Variants in SORCS1 observed in about 807,000 individuals in gnomAD.
SORCS1 encodes sortilin related VPS10 domain containing receptor 1.
Under a neutral mutation model 146.1 loss-of-function variants are expected in SORCS1, and 60 were observed. That is an observed-to-expected ratio of 0.41 (90% confidence interval 0.33 to 0.51). SORCS1 has a LOEUF of 0.51. Ranked by LOEUF, SORCS1 falls within the 20% of genes least tolerant of loss-of-function variation. SORCS1 has a pLI of 0.21. For synonymous variants in SORCS1, 637 were observed against 584.0 expected (o/e 1.09, Z -1.31); for missense variants, 1,352 against 1,487.6 (o/e 0.91, Z 1.50).
At chr10:106,613,135 G>A (rs998240404) in intron 21 of SORCS1, among the ~76,000 whole-genome samples, 14 of 151,826 alleles carry the variant, frequency 9.2e-5, no homozygotes, top group South Asian at 2.1e-4. Flanking sequence ...TATTGCTATC[G>A]TTTGTTTGCA....
At chr10:106,688,169 T>C (rs1853009021) in intron 10 of SORCS1, 23 bp downstream of exon 10, 1 of 1,609,650 alleles carries the variant, frequency 6.2e-7, no homozygotes, top group Non-Finnish European at 8.5e-7. Flanking sequence ...TGTGAGGCAT[T>C]CTGCTTCAAT....
At chr10:106,836,163 C>T (rs1020569653) in intron 2 of SORCS1, among the ~76,000 whole-genome samples, 8 of 151,910 alleles carry the variant, frequency 5.3e-5, no homozygotes, top group Admixed American at 2.0e-4. Context: ...GTGTAACTAG[C>T]CTGCTTAAGA....
chr10:106,955,268 C>T (rs559704243), intron 2 of SORCS1, among the ~76,000 whole-genome samples: 1 of 152,360 alleles, frequency 6.6e-6, no homozygotes, highest in East Asian at 1.9e-4. Context: ...AAGGCGCCAC[C>T]GCATTCCCCT....
chr10:106,956,408 G>A, intron 2 of SORCS1, 105 bp downstream of exon 2: 1 of 946,074 alleles, frequency 1.1e-6, no homozygotes. Flanking sequence ...AGCAAGCAGT[G>A]CATATCACCA....
chr10:106,648,427 A>C (rs1278351693), intron 18 of SORCS1, among the ~76,000 whole-genome samples: 4 of 152,138 alleles, frequency 2.6e-5, no homozygotes, highest in Non-Finnish European at 5.9e-5. Context: ...ACTCCACTTA[A>C]TTCGCTCCAC....
chr10:106,640,996 T>C (rs562202869), intron 18 of SORCS1, among the ~76,000 whole-genome samples: 2 of 152,040 alleles, frequency 1.3e-5, no homozygotes, highest in East Asian at 1.9e-4. Flanking sequence ...TGCGCGTGCA[T>C]GTGTGTTCTT....
rs183365741 is a variant in SORCS1 at position 106,869,047 on chromosome 10, A to C, written c.627-39374T>G. On this transcript the variant is annotated intron_variant, in intron 2 of 25. Transcript: ENST00000263054. ...CCACAGAAATAAAAATAACCATCAGAAACTACTATGAACACCTCTATGTAT... is the reference window on the plus strand; with the variant it reads ...CCACAGAAATAAAAATAACCATCAGCAACTACTATGAACACCTCTATGTAT... Among the ~76,000 whole-genome samples, 14 of 152,336 alleles carry C rather than the reference A, an allele frequency of 9.2e-5. 1 individual carries two copies. Among genetic ancestry groups the C allele is most frequent in the African/African-American group, 3.1e-4 (13 of 41,580 alleles).
At chr10:106,778,603 T>C (rs1860645446) in intron 3 of SORCS1, among the ~76,000 whole-genome samples, 1 of 152,232 alleles carries the variant, frequency 6.6e-6, no homozygotes, top group Admixed American at 6.5e-5. Flanking sequence ...ATAAAACCTG[T>C]CATTTTTTGA....
chr10:106,834,222 T>C (rs1158901232), intron 2 of SORCS1, among the ~76,000 whole-genome samples: 4 of 152,212 alleles, frequency 2.6e-5, no homozygotes, highest in Non-Finnish European at 5.9e-5. Context: ...CAGAGGATGC[T>C]TTTTGCCCAA....
chr10:106,734,115 C>T (rs964132799), intron 5 of SORCS1, among the ~76,000 whole-genome samples: 1 of 152,050 alleles, frequency 6.6e-6, no homozygotes, highest in African/African-American at 2.4e-5. Context: ...AAAATTTTGT[C>T]TAGGATATTT....
chr10:107,109,154 C>T (rs1965507418), intron 1 of SORCS1, among the ~76,000 whole-genome samples: 1 of 152,198 alleles, frequency 6.6e-6, no homozygotes, highest in African/African-American at 2.4e-5. Context: ...ATCAACCATT[C>T]TGGGGTCTGA....
At chr10:106,839,165 A>G (rs542327730) in intron 2 of SORCS1, among the ~76,000 whole-genome samples, 1 of 152,270 alleles carries the variant, frequency 6.6e-6, no homozygotes, top group Admixed American at 6.5e-5. Context: ...GCTACAAATG[A>G]TTAAACTTGG....
chr10:106,857,961 T>C (rs970087323), intron 2 of SORCS1, among the ~76,000 whole-genome samples: 2 of 152,218 alleles, frequency 1.3e-5, no homozygotes, highest in African/African-American at 4.8e-5. Context: ...CCTGTCAGCC[T>C]AAACATATAA....
At chr10:107,068,037 C>T (rs1197629085) in intron 1 of SORCS1, among the ~76,000 whole-genome samples, 1 of 152,048 alleles carries the variant, frequency 6.6e-6, no homozygotes, top group African/African-American at 2.4e-5. Context: ...TTTTGTTAGC[C>T]CTCTTAAGAC....
At chr10:107,078,815 T>C (rs1963097239) in intron 1 of SORCS1, among the ~76,000 whole-genome samples, 1 of 152,238 alleles carries the variant, frequency 6.6e-6, no homozygotes, top group Non-Finnish European at 1.5e-5. Context: ...GTTGTATTTG[T>C]GTAAAGTACT....
chr10:107,089,930 G>A (rs1964060169), intron 1 of SORCS1, among the ~76,000 whole-genome samples: 1 of 152,190 alleles, frequency 6.6e-6, no homozygotes, highest in Admixed American at 6.5e-5. Context: ...AGGGCTCTCA[G>A]ATGGCTGCGG....
At chr10:107,114,699 C>A (rs905039221) in intron 1 of SORCS1, among the ~76,000 whole-genome samples, 4 of 152,128 alleles carry the variant, frequency 2.6e-5, no homozygotes, top group African/African-American at 9.6e-5. Context: ...AGGAATAAGA[C>A]AAGCATACAC....
At chr10:106,948,991 T>C (rs528432346) in intron 2 of SORCS1, among the ~76,000 whole-genome samples, 1 of 151,672 alleles carries the variant, frequency 6.6e-6, no homozygotes, top group African/African-American at 2.4e-5. Flanking sequence ...ATTGTGTAAG[T>C]TCAGGAACCA....
At chr10:106,945,406 T>G (rs530575713) in intron 2 of SORCS1, among the ~76,000 whole-genome samples, 44 of 152,322 alleles carry the variant, frequency 2.9e-4, no homozygotes, top group African/African-American at 9.9e-4. Flanking sequence ...ATTGTTTGAT[T>G]GCTTATTAAG....
Sources: allele counts gnomAD v4.1 joint callset (sites outside exome capture counted in the v4.1 genomes callset), GRCh38; gene constraint gnomAD v4.1.1; transcripts MANE v1.5; gene names NCBI Gene and HGNC (gene_info 2026-07-23, HGNC 2026-07-21).